The following POPDC2 variants were observed in gnomAD, a reference collection of about 807,000 sequenced individuals.
POPDC2 encodes the protein popeye domain-containing protein 2.
In POPDC2, 24 loss-of-function variants were observed where a neutral mutation model predicts 30.5. The observed-to-expected ratio is 0.79, with a 90% CI of 0.57 to 1.11. The LOEUF (loss-of-function observed/expected upper bound fraction) is 1.11. Ranked by LOEUF, POPDC2 falls within the 50% of genes least tolerant of loss-of-function variation. POPDC2 has a pLI of 0.00. For synonymous variants in POPDC2, 185 were observed against 183.3 expected (o/e 1.01, Z -0.07); for missense variants, 409 against 447.0 (o/e 0.91, Z 0.77).
chr3:119,644,149 A>C (rs2052720211), intron 3 of POPDC2, among the ~76,000 whole-genome samples: 1 of 152,196 alleles, frequency 6.6e-6, no homozygotes, highest in South Asian at 2.1e-4. Context: ...CCTTACCTCG[A>C]GTGTCCTCAA....
intron 1 of POPDC2, 185 bp from the exon 2 acceptor site, chr3:119,654,798 C>A: frequency 1.8e-6 from 1 of 560,552 alleles, no homozygotes. Context: ...AGAAAAGGAA[C>A]CCATTGAGAC....
At chr3:119,654,403 G>A (rs907963302) in intron 2 of POPDC2, 102 bp downstream of exon 2, 1 of 786,200 alleles carries the variant, frequency 1.3e-6, no homozygotes, top group Non-Finnish European at 2.2e-6. Flanking sequence ...ACACTGGCAG[G>A]GGTGCGAAGG....
chr3:119,643,348 C>T (rs759435060), intron 3 of POPDC2: 1 of 1,505,914 alleles, frequency 6.6e-7, no homozygotes, highest in Non-Finnish European at 8.9e-7. Flanking sequence ...TTTCTTTAGG[C>T]CTCCACTTTT....
Position 119,660,196 on chromosome 3 carries a change from G to A in POPDC2, c.228C>T (p.Asp76=). 2 of 1,614,178 alleles carry A rather than the reference G, an allele frequency of 1.2e-6. No homozygotes were observed. The highest frequency in any genetic ancestry group is 1.1e-5 in the South Asian group (1 of 91,082). ...LWGWFSACGL[D]IVLWSFLLAV... is the part of the protein sequence containing the mutation. ...CCAGCAGGAAGCTCCAAAGAACAAT[G>A]TCCAGGCCACAGGCACTGAACCAGC... is the stretch of plus-strand genomic sequence containing the variant. The change falls in exon 1 of 4, where the codon GAC becomes GAT. Residue 76 remains aspartate (D), a synonymous_variant. Transcript: ENST00000493094.
At chr3:119,660,671 C>CCCCCCAACACCTT (rs1362626158), upstream of POPDC2, 2 of 345,894 alleles carry the variant, frequency 5.8e-6, no homozygotes, top group East Asian at 1.1e-4. Flanking sequence ...CCTCTCTCCT[C>CCCCCCAACACCTT]CCCACCACCC....
chr3:119,648,036 C>T (rs484809), intron 3 of POPDC2, 83 bp downstream of exon 3: 566,982 of 1,126,740 alleles, frequency 0.5, 145,490 homozygotes, highest in East Asian at 0.64. Flanking sequence ...AAATGTTCCA[C>T]GAATGATTTT....
chr3:119,649,562 AAT>A (rs1396664745), intron 2 of POPDC2, among the ~76,000 whole-genome samples: 1 of 152,154 alleles, frequency 6.6e-6, no homozygotes, highest in Non-Finnish European at 1.5e-5. Flanking sequence ...CACAATTTTT[AAT>A]AATCTAATTG....
intron 2 of POPDC2, among the ~76,000 whole-genome samples, chr3:119,653,984 G>A (rs1386604478): frequency 9.6e-6 from 1 of 104,192 alleles, no homozygotes; most frequent in Non-Finnish European, 2.4e-5. Context: ...AGGCTGTGGG[G>A]TGGAAGCTGG....
chr3:119,650,283 C>A (rs188866697), intron 2 of POPDC2, among the ~76,000 whole-genome samples: 1 of 152,152 alleles, frequency 6.6e-6, no homozygotes, highest in African/African-American at 2.4e-5. Flanking sequence ...AATAAAAATT[C>A]TTTTTCTCGA....
At chr3:119,643,983 G>A (rs1456327311) in intron 3 of POPDC2, among the ~76,000 whole-genome samples, 1 of 152,104 alleles carries the variant, frequency 6.6e-6, no homozygotes, top group Non-Finnish European at 1.5e-5. Context: ...TATTACACTT[G>A]CCCTTTTCTT....
chr3:119,650,794 A>ATTCCT (rs1038892324), intron 2 of POPDC2, among the ~76,000 whole-genome samples: 27 of 152,332 alleles, frequency 1.8e-4, no homozygotes, highest in African/African-American at 6.5e-4. Flanking sequence ...CCCAGATCTC[A>ATTCCT]TTCCTGAATT....
chr3:119,643,479 G>C (rs1384078166), intron 3 of POPDC2: 3 of 1,344,428 alleles, frequency 2.2e-6, no homozygotes, highest in Non-Finnish European at 3.1e-6. Context: ...GAAAGAGAGA[G>C]AGACTGCTAA....
At position 119,648,671 on chromosome 3, in the gene POPDC2, G is replaced by A. The variant is rs746560603; in HGVS notation, c.601-3C>T. On this transcript the variant is annotated splice_region_variant and splice_polypyrimidine_tract_variant and intron_variant, in intron 2 of 3. Transcript: ENST00000493094. ...GAGGTCTCAGCAGTCAGAGTGACCT[G>A]AGAGGGGTCAGAAGCAGACAATAAA... The A allele has an allele frequency of 2.5e-6, 4 of 1,609,616 alleles. No homozygotes were observed. The highest frequency in any genetic ancestry group is 3.4e-6 in the Non-Finnish European group (4 of 1,177,598).
At chr3:119,649,854 CT>C (rs1176624771) in intron 2 of POPDC2, among the ~76,000 whole-genome samples, 5 of 152,164 alleles carry the variant, frequency 3.3e-5, no homozygotes, top group African/African-American at 1.2e-4. Context: ...CCCCCACGTC[CT>C]TTATTCATTT....
chr3:119,646,715 A>G (rs1476483867), intron 3 of POPDC2, among the ~76,000 whole-genome samples: 2 of 152,210 alleles, frequency 1.3e-5, no homozygotes, highest in Admixed American at 6.5e-5. Flanking sequence ...AGAAGAAAGA[A>G]GAGAAAAATA....
At chr3:119,652,071 A>C (rs1210174673) in intron 2 of POPDC2, among the ~76,000 whole-genome samples, 1 of 150,110 alleles carries the variant, frequency 6.7e-6, no homozygotes, top group Non-Finnish European at 1.5e-5. Context: ...TTTTTTTAAT[A>C]CTCATCTCAG....
In POPDC2 at chr3:119,660,466, T is replaced by G. The variant is rs199540392; in HGVS notation, c.-43A>C. On this transcript the variant is annotated 5_prime_UTR_variant, in exon 1 of 4. An upstream open reading frame in the 5' UTR loses its in-frame stop. Transcript: ENST00000493094. ...GCCTCACTGGGCTCTAATACTGTCC[T>G]CACATAGGAAATTCAGAAAATGAAT... 3 of 1,556,182 alleles carry G rather than the reference T, an allele frequency of 1.9e-6. No individual in the cohort carries two copies. The highest frequency in any genetic ancestry group is 2.6e-6 in the Non-Finnish European group (3 of 1,150,260).
rs1304991498 is a variant in POPDC2, at chr3:119,648,681, A to C, written c.601-13T>G. Reference sequence around the variant, plus strand: ...CAGTCAGAGTGACCTGAGAGGGGTCAGAAGCAGACAATAAAAGTTTAAACT... The same window carrying C: ...CAGTCAGAGTGACCTGAGAGGGGTCCGAAGCAGACAATAAAAGTTTAAACT... On this transcript the variant is annotated splice_polypyrimidine_tract_variant and intron_variant, in intron 2 of 3. Transcript: ENST00000493094. The C allele has an allele frequency of 1.3e-6, 2 of 1,594,912 alleles. No individual in the cohort carries two copies. Among genetic ancestry groups the C allele is most frequent in the Admixed American group, 1.8e-5 (1 of 57,016 alleles).
At chr3:119,648,052 C>T in intron 3 of POPDC2, 67 bp downstream of exon 3, 1 of 1,269,340 alleles carries the variant, frequency 7.9e-7, no homozygotes, top group South Asian at 1.7e-5. Context: ...ATTTTTTTTG[C>T]CCTAACAAGC....
Sources: gnomAD v4.1 joint callset for allele counts (sites outside exome capture counted in the v4.1 genomes callset) on GRCh38, gnomAD v4.1.1 for gene constraint, MANE v1.5 for transcripts, NCBI Gene and HGNC (gene_info 2026-07-23, HGNC 2026-07-21) for gene names.